MEIS2: variants seen among roughly 807,000 people sequenced by gnomAD.
MEIS2 encodes the protein Meis homeobox 2.
MEIS2 carries 9 observed loss-of-function variants against 58.6 expected under a neutral mutation model. The observed-to-expected ratio is 0.15, with a 90% CI of 0.09 to 0.27. The LOEUF is 0.27. MEIS2 is among the 10% of genes least tolerant of loss of function. The pLI is 1.00. For missense variants in MEIS2, 427 were observed against 635.0 expected (o/e 0.67, Z 3.52); for synonymous variants, 221 against 228.4 (o/e 0.97, Z 0.29).
At chr15:36,900,463 G>C (rs1405372901) in intron 9 of MEIS2, among the ~76,000 whole-genome samples, 5 of 152,094 alleles carry the variant, frequency 3.3e-5, no homozygotes, top group Non-Finnish European at 7.4e-5. Flanking sequence ...TTTTACTTAA[G>C]TAGAAAATGC....
chr15:36,911,196 T>C (rs996104691), intron 9 of MEIS2, among the ~76,000 whole-genome samples: 5 of 152,138 alleles, frequency 3.3e-5, no homozygotes, highest in African/African-American at 1.2e-4. Flanking sequence ...AAAAAGATCA[T>C]TGGGTATTTT....
chr15:36,913,564 T>G (rs532188710), intron 9 of MEIS2, among the ~76,000 whole-genome samples: 2 of 152,294 alleles, frequency 1.3e-5, no homozygotes, highest in African/African-American at 4.8e-5. Context: ...TAAAGTCCTA[T>G]GGGAAAGATT....
At chr15:36,976,437 T>C (rs2059763107) in intron 8 of MEIS2, among the ~76,000 whole-genome samples, 1 of 150,416 alleles carries the variant, frequency 6.6e-6, no homozygotes, top group Non-Finnish European at 1.5e-5. Context: ...TGGGTAAGAG[T>C]GGCTTCTTCT....
rs555928859 is a variant in MEIS2, at chr15:37,002,333, A to C, written c.900+34481T>G. Among the ~76,000 whole-genome samples, 4 of 147,826 alleles carry C rather than the reference A, an allele frequency of 2.7e-5. No homozygotes were observed. In the South Asian group the frequency reaches 8.5e-4, roughly 31 times the overall value. On this transcript the variant is annotated intron_variant, in intron 8 of 11. Coordinates refer to ENST00000561208, the MANE Select transcript of MEIS2 (RefSeq NM_170675.5). ...CTGCAGCCTCCTTAAAACATCTACT[A>C]ATTTCTTCAGCTGGAAGTAATCTTT...
chr15:37,079,153 A>G (rs1891856396), intron 7 of MEIS2, among the ~76,000 whole-genome samples: 1 of 152,174 alleles, frequency 6.6e-6, no homozygotes, highest in Non-Finnish European at 1.5e-5. Context: ...AAGAAAATGC[A>G]ATGTAAATAG....
At chr15:37,085,895 A>C (rs896826509) in intron 6 of MEIS2, among the ~76,000 whole-genome samples, 1 of 152,194 alleles carries the variant, frequency 6.6e-6, no homozygotes, top group Non-Finnish European at 1.5e-5. Context: ...TCTTCGTGTC[A>C]GCTGTTTGCC....
At chr15:37,036,635 G>T in intron 8 of MEIS2, 179 bp downstream of exon 8, 1 of 553,738 alleles carries the variant, frequency 1.8e-6, no homozygotes, top group Non-Finnish European at 3.0e-6. Flanking sequence ...ACTTTCTAGA[G>T]GGTGCTCTTT....
chr15:37,047,583 A>AG (rs1282116690), intron 7 of MEIS2, among the ~76,000 whole-genome samples: 2 of 152,202 alleles, frequency 1.3e-5, no homozygotes, highest in Non-Finnish European at 2.9e-5. Flanking sequence ...CTGGCCATTG[A>AG]AATAAAGACC....
intron 7 of MEIS2, among the ~76,000 whole-genome samples, chr15:37,056,156 A>G (rs1299935346): frequency 6.6e-6 from 1 of 152,234 alleles, no homozygotes; most frequent in Non-Finnish European, 1.5e-5. Context: ...AATTTTCTAT[A>G]GAGAGTCTTT....
chr15:37,036,173 G>A (rs2062143775), intron 8 of MEIS2, among the ~76,000 whole-genome samples: 1 of 152,194 alleles, frequency 6.6e-6, no homozygotes, highest in Non-Finnish European at 1.5e-5. Context: ...GTCTCACATA[G>A]TAAAACCGTT....
rs71126247 is a variant in MEIS2 at position 36,971,537 on chromosome 15, T to TAAAAAAAAAAAA, written c.901-21149_901-21138dup. On this transcript the variant is annotated intron_variant, in intron 8 of 11. Transcript: ENST00000561208. The stretch of plus-strand genomic sequence containing the variant: ...GTATTACTTGTATGCCTTGTTACAT[T>TAAAAAAAAAAAA]AAAAAAAAAAAAAAAAAAAAAAAAA... 3.6e-3 allele frequency among the ~76,000 whole-genome samples: 244 copies of TAAAAAAAAAAAA among 67,074 alleles called. 44 individuals carry two copies. The highest frequency in any genetic ancestry group is 9.0e-3 in the African/African-American group (128 of 14,160). The allele number at this position is 67,074 out of a possible 152,430, so 44.0% of individuals were successfully genotyped here. A position where few individuals can be genotyped will look rare whatever the true frequency, so the allele number is the denominator to read the frequency against.
chr15:36,946,974 A>G (rs921868525), intron 9 of MEIS2, among the ~76,000 whole-genome samples: 3 of 151,976 alleles, frequency 2.0e-5, no homozygotes, highest in Non-Finnish European at 2.9e-5. Context: ...GGTTGAGGAT[A>G]TTTGGTTCGT....
At chr15:36,894,229 T>G (rs1158460277) in intron 11 of MEIS2, among the ~76,000 whole-genome samples, 1 of 152,178 alleles carries the variant, frequency 6.6e-6, no homozygotes, top group African/African-American at 2.4e-5. Flanking sequence ...CTGTCATATA[T>G]CTAGACTAGG....
chr15:36,919,632 A>G (rs947253031), intron 9 of MEIS2, among the ~76,000 whole-genome samples: 3 of 152,180 alleles, frequency 2.0e-5, no homozygotes, highest in Non-Finnish European at 4.4e-5. Flanking sequence ...AATATTACCA[A>G]AAGAATTCTG....
intron 8 of MEIS2, among the ~76,000 whole-genome samples, chr15:36,994,045 A>G (rs2060391743): frequency 1.3e-5 from 2 of 152,284 alleles, no homozygotes; most frequent in South Asian, 4.1e-4. Flanking sequence ...AAAAGTATGC[A>G]CATCTCTATT....
intron 9 of MEIS2, among the ~76,000 whole-genome samples, chr15:36,918,941 T>C (rs2057387006): frequency 6.6e-6 from 1 of 152,212 alleles, no homozygotes; most frequent in African/African-American, 2.4e-5. Flanking sequence ...ATGGAGATGA[T>C]ACCTACCTCG....
chr15:37,044,153 C>T (rs374471054), intron 7 of MEIS2, among the ~76,000 whole-genome samples: 1 of 152,146 alleles, frequency 6.6e-6, no homozygotes. Context: ...AATTAGATGA[C>T]TTGTCAAAGG....
chr15:36,985,511 G>GCATC (rs1182678741), intron 8 of MEIS2, among the ~76,000 whole-genome samples: 2 of 152,072 alleles, frequency 1.3e-5, no homozygotes, highest in Admixed American at 1.3e-4. Flanking sequence ...TTGAATTGGA[G>GCATC]CATCCTCAGG....
chr15:37,040,862 G>A (rs2062392794), intron 7 of MEIS2, among the ~76,000 whole-genome samples: 1 of 152,180 alleles, frequency 6.6e-6, no homozygotes, highest in Admixed American at 6.5e-5. Flanking sequence ...AAATGTCCTA[G>A]GGCGGGAAAA....
Sources: allele counts gnomAD v4.1 joint callset (sites outside exome capture counted in the v4.1 genomes callset), GRCh38; gene constraint gnomAD v4.1.1; transcripts MANE v1.5; gene names NCBI Gene and HGNC (gene_info 2026-07-23, HGNC 2026-07-21).